ACSM3: variants seen among roughly 807,000 people sequenced by gnomAD.
The protein encoded by ACSM3 is acyl-coenzyme A synthetase ACSM3, mitochondrial.
ACSM3 carries 61 observed loss-of-function variants against 74.1 expected under a neutral mutation model. That is an observed-to-expected ratio of 0.82 (90% CI 0.67 to 1.02). ACSM3 has a LOEUF of 1.02. Among genes scored for constraint, ACSM3 ranks in the 50% least tolerant of loss-of-function variants. The pLI, the probability that ACSM3 is intolerant of heterozygous loss-of-function variation, is 0.00. For missense variants in ACSM3, 660 were observed against 697.0 expected (o/e 0.95, Z 0.60); for synonymous variants, 213 against 241.5 (o/e 0.88, Z 1.09).
chr16:20,740,130 T>C (rs2079904266), intron 1 of ACSM3, among the ~76,000 whole-genome samples: 2 of 152,208 alleles, frequency 1.3e-5, no homozygotes, highest in Admixed American at 6.5e-5. Context: ...TGGTGGCTCA[T>C]GCCTGTAATC....
chr16:20,723,467 C>T lies in ACSM3; in HGVS notation c.-189-26443C>T, dbSNP rs991346966. ...CCCTGAGGAATCGCCACACTGACTT[C>T]CACAATGGTTGAACTAGTTTACAGT... On this transcript the variant is annotated intron_variant, in intron 1 of 3. Transcript: ENST00000561584. 8.3e-4 allele frequency among the ~76,000 whole-genome samples: 126 copies of T among 152,280 alleles called. No homozygotes were observed. In the Middle Eastern group the frequency reaches 0.01, roughly 12 times the overall value.
At chr16:20,709,924 A>T (rs770390192) in intron 1 of ACSM3, among the ~76,000 whole-genome samples, 2 of 152,202 alleles carry the variant, frequency 1.3e-5, no homozygotes, top group African/African-American at 4.8e-5. Context: ...ATAAGTTATC[A>T]TGCACTGGGA....
chr16:20,759,476 T>G (rs112334231), upstream of ACSM3, among the ~76,000 whole-genome samples: 4 of 145,876 alleles, frequency 2.7e-5, no homozygotes, highest in Non-Finnish European at 5.9e-5. Context: ...AGGAGAATGG[T>G]GTAAACCTGG....
intron 1 of ACSM3, chr16:20,736,645 T>C (rs954178498): frequency 8.5e-5 from 41 of 482,366 alleles, no homozygotes; most frequent in African/African-American, 7.7e-4. Context: ...CCCCCTCCTA[T>C]CCTCCCCTCT....
chr16:20,780,381 T>C, intron 4 of ACSM3: 2 of 457,776 alleles, frequency 4.4e-6, no homozygotes, highest in South Asian at 5.5e-5. Context: ...TCCTTATCCA[T>C]GATTGCAAGA....
intron 2 of ACSM3, among the ~76,000 whole-genome samples, chr16:20,755,234 T>C (rs2080019944): frequency 6.6e-6 from 1 of 152,182 alleles, no homozygotes; most frequent in Non-Finnish European, 1.5e-5. Flanking sequence ...TGCAGAGTCT[T>C]ATTACAAGAA....
chr16:20,759,559 C>CAA (rs35117717), upstream of ACSM3, among the ~76,000 whole-genome samples: 42 of 76,094 alleles, frequency 5.5e-4, no homozygotes, highest in Non-Finnish European at 5.6e-4. Flanking sequence ...GACTCCATCT[C>CAA]AAAAAAAAAA....
intron 1 of ACSM3, among the ~76,000 whole-genome samples, chr16:20,749,037 G>A (rs555631681): frequency 1.9e-4 from 29 of 152,154 alleles, no homozygotes; most frequent in African/African-American, 6.5e-4. Flanking sequence ...TCTAGCCTGG[G>A]TGACAAGAGC....
At position 20,770,220 on chromosome 16, in the gene ACSM3, A is replaced by G. The variant is rs200695542; in HGVS notation, c.186A>G (p.Lys62=). The G allele has an allele frequency of 1.7e-4, 275 of 1,614,064 alleles. No homozygotes were observed. The highest frequency in any genetic ancestry group is 2.0e-4 in the Non-Finnish European group (241 of 1,180,032). ...LGIPEYFNFA[K]DVLDQWTDKE... ...TTCCAGAGTATTTCAACTTTGCTAAAGATGTCCTGGACCAATGGACTGATA... is the reference window on the plus strand; with the variant it reads ...TTCCAGAGTATTTCAACTTTGCTAAGGATGTCCTGGACCAATGGACTGATA... Residue 62 remains lysine, a synonymous_variant, in exon 2 of 14, where the codon AAA becomes AAG. Transcript: ENST00000289416.
chr16:20,777,698 T>G lies in ACSM3; in HGVS notation c.638+118T>G, dbSNP rs2080272820. 4 of 862,048 alleles carry G rather than the reference T, an allele frequency of 4.6e-6. No homozygotes were observed. The South Asian group carries it at 5.1e-5, about 11-fold the overall frequency. 53.4% of individuals were successfully genotyped at this position (862,048 alleles called of 1,614,324 possible). A position where few individuals can be genotyped will look rare whatever the true frequency, so the allele number is the denominator to read the frequency against. Reference sequence around the variant, plus strand: ...TTAAAACAACAGGCAAAGGGAACAGTTGGTAGTTATTGCTGCACTAATAGT... The same window carrying G: ...TTAAAACAACAGGCAAAGGGAACAGGTGGTAGTTATTGCTGCACTAATAGT... On this transcript the variant is annotated intron_variant, in intron 4 of 13. Transcript: ENST00000289416.
At chr16:20,737,066 C>G (rs146200863) in intron 1 of ACSM3, 3 of 1,614,080 alleles carry the variant, frequency 1.9e-6, no homozygotes, top group East Asian at 2.2e-5. Context: ...CTGATTTGTC[C>G]GCAGATTCCA....
At chr16:20,726,367 C>A (rs2079806060) in intron 1 of ACSM3, among the ~76,000 whole-genome samples, 1 of 152,170 alleles carries the variant, frequency 6.6e-6, no homozygotes, top group African/African-American at 2.4e-5. Context: ...CAGGCTTGTC[C>A]ATCCTCTTTT....
chr16:20,788,205 G>C (rs2080516595), intron 9 of ACSM3, among the ~76,000 whole-genome samples: 1 of 152,104 alleles, frequency 6.6e-6, no homozygotes, highest in African/African-American at 2.4e-5. Flanking sequence ...TGGTTAACAG[G>C]CTACCTTAGG....
At chr16:20,769,584 T>C (rs1035953569) in intron 1 of ACSM3, among the ~76,000 whole-genome samples, 1 of 152,260 alleles carries the variant, frequency 6.6e-6, no homozygotes. Context: ...GTGAAAGATA[T>C]TAGACAAGAA....
chr16:20,729,459 G>A (rs951218880), intron 1 of ACSM3: 10 of 706,136 alleles, frequency 1.4e-5, no homozygotes, highest in East Asian at 2.6e-5. Flanking sequence ...TTCAGGTACC[G>A]TATTGGGCCA....
chr16:20,677,216 T>A (rs551315993), intron 1 of ACSM3, among the ~76,000 whole-genome samples: 2 of 140,446 alleles, frequency 1.4e-5, no homozygotes, highest in East Asian at 2.7e-4. Context: ...GAGAAGACTT[T>A]TAAAGAAATT....
At chr16:20,717,972 G>GAAA (rs2079769966) in intron 1 of ACSM3, among the ~76,000 whole-genome samples, 1 of 109,052 alleles carries the variant, frequency 9.2e-6, no homozygotes, top group Non-Finnish European at 2.0e-5. Context: ...AGAAGAAGAA[G>GAAA]AAGAAGAAGA....
At chr16:20,702,482 T>C (rs2079715430) in intron 1 of ACSM3, among the ~76,000 whole-genome samples, 1 of 152,208 alleles carries the variant, frequency 6.6e-6, no homozygotes, top group Non-Finnish European at 1.5e-5. Context: ...AAATGTTTCC[T>C]GACTTTTTAA....
chr16:20,796,552 T>A, intron 13 of ACSM3, 63 bp downstream of exon 13: 6 of 1,592,370 alleles, frequency 3.8e-6, no homozygotes, highest in Non-Finnish European at 5.1e-6. Flanking sequence ...GTGTTTATTT[T>A]TACATTTTAA....
Sources: gnomAD v4.1 joint callset for allele counts (sites outside exome capture counted in the v4.1 genomes callset) on GRCh38, gnomAD v4.1.1 for gene constraint, MANE v1.5 for transcripts, NCBI Gene and HGNC (gene_info 2026-07-23, HGNC 2026-07-21) for gene names.